The following TPTE2 variants were observed in gnomAD, a reference collection of about 807,000 sequenced individuals.
TPTE2 encodes phosphatidylinositol 3,4,5-trisphosphate 3-phosphatase TPTE2.
TPTE2 carries 53 observed loss-of-function variants against 78.6 expected under a neutral mutation model. The observed-to-expected ratio is 0.67, with a 90% CI of 0.54 to 0.85. The LOEUF (loss-of-function observed/expected upper bound fraction) is 0.85. TPTE2 is among the 40% of genes least tolerant of loss of function. The pLI is 0.00. For missense variants in TPTE2, 461 were observed against 623.0 expected (o/e 0.74, Z 2.77); for synonymous variants, 175 against 206.2 (o/e 0.85, Z 1.30).
chr13:19,431,411 CG>C (rs1255590684), intron 16 of TPTE2, among the ~76,000 whole-genome samples: 1 of 152,004 alleles, frequency 6.6e-6, no homozygotes, highest in Non-Finnish European at 1.5e-5. Context: ...CTTCCCTTAG[CG>C]TTTCCTCAAA....
At chr13:19,552,483 C>T in the TPTE2 span, 4 of 511,156 alleles carry the variant, frequency 7.8e-6, no homozygotes, top group Non-Finnish European at 1.4e-5. Context: ...TTTTGAAATT[C>T]ATGTAAGTAT....
chr13:19,434,141 T>C (rs1037058048), intron 15 of TPTE2, among the ~76,000 whole-genome samples: 2 of 152,204 alleles, frequency 1.3e-5, no homozygotes, highest in Non-Finnish European at 2.9e-5. Flanking sequence ...GGTGGAAAGA[T>C]GGGTAAGCCA....
chr13:19,474,197 T>C, intron 5 of TPTE2, 122 bp from the exon 9 acceptor site: 1 of 1,044,136 alleles, frequency 9.6e-7, no homozygotes, highest in Non-Finnish European at 1.3e-6. Flanking sequence ...AATGTTATTA[T>C]TTAGTATTAA....
At chr13:19,450,268 A>C (rs1201913587) in exon 12 of TPTE2, 2 of 1,611,270 alleles carry the variant, frequency 1.2e-6, no homozygotes, top group South Asian at 2.2e-5. Context: ...CTTACTGTAG[A>C]GTGGGGACAT....
Position 19,515,306 on chromosome 13 carries a change from A to G in TPTE2, c.-43-12029T>C, listed in dbSNP as rs576462371. On this transcript the variant is annotated intron_variant, in intron 1 of 17. Transcript: ENST00000390680. ...CTGAGGTTTCTTAACTTATTTGACC[A>G]CAGAACCTCTTTCTCACAATGGAAA... Among the ~76,000 whole-genome samples the G allele has an allele frequency of 3.3e-5, 5 of 152,350 alleles. No individual in the cohort carries two copies. In the South Asian group the frequency reaches 1.0e-3, roughly 32 times the overall value.
intron 10 of TPTE2, chr13:19,458,701 T>C (rs1878699742): frequency 4.1e-6 from 2 of 482,656 alleles, no homozygotes; most frequent in Non-Finnish European, 8.3e-6. Context: ...TTTTCTTGCC[T>C]TTCTCAACAT....
chr13:19,542,439 A>T, the TPTE2 span, among the ~76,000 whole-genome samples: 2 of 152,192 alleles, frequency 1.3e-5, no homozygotes, highest in Non-Finnish European at 2.9e-5. Context: ...TAGTTTTTTT[A>T]AATGAATTAG....
intron 3 of TPTE2, among the ~76,000 whole-genome samples, chr13:19,488,180 G>GT (rs1880771141): frequency 1.3e-5 from 2 of 152,166 alleles, no homozygotes; most frequent in African/African-American, 2.4e-5. Context: ...TGTTGCCTCG[G>GT]TTTTTTCTCG....
intron 1 of TPTE2, among the ~76,000 whole-genome samples, chr13:19,530,436 CTAACTGTGCATTT>C (rs1593423174): frequency 6.6e-6 from 1 of 152,198 alleles, no homozygotes; most frequent in Non-Finnish European, 1.5e-5. Context: ...GGATGCTTTG[CTAACTGTGCATTT>C]TTTGGGGATA....
intron 10 of TPTE2, among the ~76,000 whole-genome samples, chr13:19,454,306 A>G (rs565319726): frequency 8.5e-5 from 13 of 152,308 alleles, no homozygotes; most frequent in African/African-American, 3.1e-4. Flanking sequence ...GCATCCTCTC[A>G]GGAGTTAAGT....
chr13:19,474,163 T>G, intron 5 of TPTE2, 88 bp from the exon 9 acceptor site: 2 of 1,237,808 alleles, frequency 1.6e-6, no homozygotes, highest in Non-Finnish European at 2.1e-6. Context: ...CTATACTATA[T>G]TTAAGCCACT....
At chr13:19,537,873 G>A (rs1364739878), upstream of TPTE2, among the ~76,000 whole-genome samples, 1 of 152,114 alleles carries the variant, frequency 6.6e-6, no homozygotes, top group African/African-American at 2.4e-5. Context: ...CCAAAGTGCT[G>A]GGATTACAGG....
chr13:19,441,122 C>T (rs564169950), intron 13 of TPTE2, among the ~76,000 whole-genome samples: 6 of 151,972 alleles, frequency 3.9e-5, no homozygotes, highest in Non-Finnish European at 7.4e-5. Flanking sequence ...TGCAGCATCA[C>T]GGATGCAGCT....
chr13:19,513,481 C>G (rs1869590795), intron 1 of TPTE2, among the ~76,000 whole-genome samples: 1 of 152,168 alleles, frequency 6.6e-6, no homozygotes, highest in Admixed American at 6.5e-5. Flanking sequence ...ATTGTTGACT[C>G]CAGCACAGAT....
chr13:19,506,942 G>C (rs554078439), upstream of TPTE2, among the ~76,000 whole-genome samples: 1 of 152,276 alleles, frequency 6.6e-6, no homozygotes, highest in African/African-American at 2.4e-5. Context: ...AGAAGAAGTA[G>C]ACTTCTTGTG....
chr13:19,560,949 TGAA>T, the TPTE2 span: 1 of 1,597,912 alleles, frequency 6.3e-7, no homozygotes. Context: ...ATGGTCCTCT[TGAA>T]GAAGGCTTTG....
the TPTE2 span, among the ~76,000 whole-genome samples, chr13:19,553,968 G>T: frequency 1.3e-5 from 2 of 152,140 alleles, no homozygotes; most frequent in Admixed American, 6.5e-5. Context: ...AAAAGAAAAT[G>T]AATAACAATA....
intron 1 of TPTE2, among the ~76,000 whole-genome samples, chr13:19,522,835 C>T (rs1037123538): frequency 6.6e-6 from 1 of 151,770 alleles, no homozygotes; most frequent in African/African-American, 2.4e-5. Context: ...ACCACATTAG[C>T]AAGGATGGTC....
chr13:19,425,508 T>C lies in TPTE2; in HGVS notation c.1396-491A>G, dbSNP rs2497206. 0.88 allele frequency among the ~76,000 whole-genome samples: 134,000 copies of C among 152,064 alleles called. 60,159 individuals carry two copies. The highest frequency in any genetic ancestry group is 1 in the East Asian group (5,138 of 5,156). ...GTGACTGATCCTGATATCTGCCTTATACAACCTTCTCCTGATGACCACTTC... is the reference window on the plus strand; with the variant it reads ...GTGACTGATCCTGATATCTGCCTTACACAACCTTCTCCTGATGACCACTTC... On this transcript the variant is annotated intron_variant, in intron 18 of 19. Transcript: ENST00000400230.
Sources: gnomAD v4.1 joint callset for allele counts (sites outside exome capture counted in the v4.1 genomes callset) on GRCh38, gnomAD v4.1.1 for gene constraint, MANE v1.5 for transcripts, NCBI Gene and HGNC (gene_info 2026-07-23, HGNC 2026-07-21) for gene names.